DGKH: variants seen among roughly 807,000 people sequenced by gnomAD.
The protein encoded by DGKH is DAG kinase eta.
A neutral mutation model predicts 159.3 loss-of-function variants in DGKH; 90 were observed. The ratio of observed to expected loss-of-function variants is 0.57; its 90% CI spans 0.48 to 0.67. The LOEUF is 0.67. DGKH is among the 30% of genes least tolerant of loss of function. DGKH has a pLI of 0.00. For missense variants in DGKH, 1,181 were observed against 1,506.1 expected (o/e 0.78, Z 3.57); for synonymous variants, 536 against 553.8 (o/e 0.97, Z 0.45).
chr13:42,223,531 G>C (rs1160087494), intron 29 of DGKH, among the ~76,000 whole-genome samples: 1 of 152,116 alleles, frequency 6.6e-6, no homozygotes, highest in Non-Finnish European at 1.5e-5. Context: ...GGAGTCCGAG[G>C]CGGGCGGATC....
chr13:42,224,916 A>T (rs1200304490), intron 29 of DGKH, among the ~76,000 whole-genome samples: 1 of 151,728 alleles, frequency 6.6e-6, no homozygotes, highest in Non-Finnish European at 1.5e-5. Flanking sequence ...ATATATATAT[A>T]TACATATATT....
chr13:42,097,419 C>T (rs1236815474), intron 1 of DGKH, among the ~76,000 whole-genome samples: 5 of 152,284 alleles, frequency 3.3e-5, no homozygotes, highest in South Asian at 2.1e-4. Context: ...GGGGACTTGT[C>T]GCCTGTGTCC....
intron 29 of DGKH, among the ~76,000 whole-genome samples, chr13:42,228,491 G>A (rs1055056915): frequency 6.6e-5 from 10 of 152,024 alleles, no homozygotes; most frequent in Non-Finnish European, 1.5e-4. Flanking sequence ...CTAGAATTAG[G>A]TCTCACTTTT....
intron 8 of DGKH, 42 bp from the exon 9 acceptor site, chr13:42,166,473 G>C: frequency 1.4e-6 from 2 of 1,390,348 alleles, no homozygotes. Context: ...ATTTAAAAGA[G>C]AAAGCTGTAT....
At chr13:42,159,834 T>C (rs142090281) in intron 6 of DGKH, among the ~76,000 whole-genome samples, 177 bp from the exon 7 acceptor site, 106 of 152,326 alleles carry the variant, frequency 7.0e-4, no homozygotes, top group African/African-American at 2.4e-3. Context: ...TTTACCTTAC[T>C]TTTATATTCC....
At chr13:42,165,792 A>G (rs1346528979) in intron 8 of DGKH, among the ~76,000 whole-genome samples, 1 of 152,082 alleles carries the variant, frequency 6.6e-6, no homozygotes, top group Non-Finnish European at 1.5e-5. Flanking sequence ...TGTTATTAAA[A>G]TCTGTTTTTC....
intron 17 of DGKH, among the ~76,000 whole-genome samples, chr13:42,197,326 C>T (rs1241508674): frequency 6.6e-6 from 1 of 150,428 alleles, no homozygotes; most frequent in Non-Finnish European, 1.5e-5. Flanking sequence ...TCTCACCTCT[C>T]CAAACTGTTC....
intron 5 of DGKH, among the ~76,000 whole-genome samples, chr13:42,158,013 C>T (rs1280486023): frequency 6.6e-6 from 1 of 152,168 alleles, no homozygotes; most frequent in Non-Finnish European, 1.5e-5. Context: ...ACCACCTCAG[C>T]GTCCCAGAGT....
Position 42,235,022 on chromosome 13 carries a change from G to T in DGKH, c.*5834G>T, listed in dbSNP as rs1197946212. On this transcript the variant is annotated 3_prime_UTR_variant, in exon 30 of 30. Coordinates refer to ENST00000337343, the MANE Select transcript of DGKH (RefSeq NM_178009.5). ...TTGTTTGGAGACATTTATGTTAGAA[G>T]AAAAACTATAAAGTTTTATCATTGT... The T allele has an allele frequency of 6.6e-6, 1 of 152,024 alleles. No homozygotes were observed. Among genetic ancestry groups the T allele is most frequent in the African/African-American group, 2.4e-5 (1 of 41,402 alleles). The allele number at this position is 152,024 out of a possible 1,614,324, so 9.4% of individuals were successfully genotyped here.
At chr13:42,191,422 A>G (rs756230022) in intron 16 of DGKH, among the ~76,000 whole-genome samples, 13 of 152,174 alleles carry the variant, frequency 8.5e-5, no homozygotes, top group South Asian at 2.1e-4. Flanking sequence ...GATGATATCA[A>G]TCATACCCCA....
At chr13:42,101,642 C>T (rs1408769242) in intron 1 of DGKH, among the ~76,000 whole-genome samples, 1 of 151,886 alleles carries the variant, frequency 6.6e-6, no homozygotes, top group African/African-American at 2.4e-5. Flanking sequence ...TACAGATGGT[C>T]CAGAAGGAAA....
chr13:42,244,962 C>CAGGG (rs1050937055), downstream of DGKH, among the ~76,000 whole-genome samples: 4 of 141,526 alleles, frequency 2.8e-5, no homozygotes, highest in African/African-American at 1.1e-4. Context: ...TTATCACCTT[C>CAGGG]AGGGGAAAGT....
intron 11 of DGKH, among the ~76,000 whole-genome samples, chr13:42,171,031 C>T (rs992805883): frequency 6.6e-6 from 1 of 151,754 alleles, no homozygotes; most frequent in African/African-American, 2.4e-5. Context: ...ATTTGATCCT[C>T]AGAACAACAC....
intron 3 of DGKH, among the ~76,000 whole-genome samples, chr13:42,130,544 G>A (rs555129748): frequency 6.6e-6 from 1 of 152,128 alleles, no homozygotes; most frequent in Non-Finnish European, 1.5e-5. Context: ...GTCTTCAAAG[G>A]TGCATTGTTC....
chr13:42,166,792 G>T (rs1309513377), intron 9 of DGKH, 118 bp downstream of exon 9: 2 of 882,324 alleles, frequency 2.3e-6, no homozygotes, highest in African/African-American at 1.7e-5. Context: ...CGTTTTTAAA[G>T]CTCTAATTAT....
At chr13:42,096,455 G>A (rs1030395556) in intron 1 of DGKH, among the ~76,000 whole-genome samples, 4 of 152,302 alleles carry the variant, frequency 2.6e-5, no homozygotes, top group African/African-American at 9.6e-5. Flanking sequence ...ATTCCGTGGT[G>A]TATATGTACC....
chr13:42,102,916 A>G (rs1470775612), intron 1 of DGKH, among the ~76,000 whole-genome samples: 1 of 152,220 alleles, frequency 6.6e-6, no homozygotes, highest in Non-Finnish European at 1.5e-5. Flanking sequence ...CTTACTTGGG[A>G]CAATGACTAT....
chr13:42,200,114 C>T (rs1339248543), intron 20 of DGKH, among the ~76,000 whole-genome samples: 1 of 152,106 alleles, frequency 6.6e-6, no homozygotes, highest in Non-Finnish European at 1.5e-5. Flanking sequence ...TCATTATCTC[C>T]TGAAATTGGG....
intron 1 of DGKH, among the ~76,000 whole-genome samples, chr13:42,062,119 A>G (rs908278659): frequency 6.6e-6 from 1 of 152,110 alleles, no homozygotes; most frequent in Non-Finnish European, 1.5e-5. Flanking sequence ...TCTGGGCTCC[A>G]AGCACCCTAG....
Sources: allele counts gnomAD v4.1 joint callset (sites outside exome capture counted in the v4.1 genomes callset), GRCh38; gene constraint gnomAD v4.1.1; transcripts MANE v1.5; gene names NCBI Gene and HGNC (gene_info 2026-07-23, HGNC 2026-07-21).